Variants in CACNA1C observed in about 807,000 individuals in gnomAD.
CACNA1C encodes calcium voltage-gated channel subunit alpha1 C, also known as voltage-dependent L-type calcium channel subunit alpha-1C.
A neutral mutation model predicts 229.0 loss-of-function variants in CACNA1C; 30 were observed. The observed-to-expected ratio is 0.13, with a 90% confidence interval of 0.10 to 0.18. The LOEUF is 0.18. CACNA1C is among the 10% of genes least tolerant of loss of function. The pLI is 1.00. For missense variants in CACNA1C, 1,658 were observed against 2,845.0 expected (o/e 0.58, Z 9.49); for synonymous variants, 1,114 against 1,132.5 (o/e 0.98, Z 0.33).
At chr12:1,981,333 A>G (rs111491399) in intron 1 of CACNA1C, among the ~76,000 whole-genome samples, 4,238 of 152,360 alleles carry the variant, frequency 0.028, 95 homozygotes, top group Middle Eastern at 0.054. Context: ...AGTTTCAGCC[A>G]TAGCTTTGAA....
chr12:2,132,207 G>T (rs1370688511), intron 3 of CACNA1C, among the ~76,000 whole-genome samples: 66 of 141,990 alleles, frequency 4.6e-4, no homozygotes, highest in South Asian at 1.6e-3. Flanking sequence ...ATTTTGGGCT[G>T]AGACAATGGG....
Position 2,449,025 on chromosome 12 carries a change from T to C in CACNA1C, c.527T>C (p.Leu176Ser). The change falls in exon 4 of 47, where the codon TTA becomes TCA. Residue 176 changes from leucine (L) to serine (S), a missense_variant. This residue lies in a region of CACNA1C where 89 missense variants were observed against 177.8 expected (regional missense o/e 0.50). Coordinates refer to ENST00000399655, the MANE Select transcript of CACNA1C (RefSeq NM_000719.7). ...ATAATTTTTACGGTGGAAGCGTTTT[T>C]AAAAGTAATCGCCTATGGACTCCTC... ...FLIIFTVEAF[L>S]KVIAYGLLFH... 1 of 1,607,526 alleles carries C rather than the reference T, an allele frequency of 6.2e-7. No homozygotes were observed. The highest frequency in any genetic ancestry group is 8.5e-7 in the Non-Finnish European group (1 of 1,175,304).
intron 3 of CACNA1C, among the ~76,000 whole-genome samples, chr12:2,313,045 G>T (rs1315731109): frequency 6.6e-6 from 1 of 152,122 alleles, no homozygotes; most frequent in Non-Finnish European, 1.5e-5. Context: ...GAACTTGATT[G>T]AAATGCTGTA....
intron 3 of CACNA1C, chr12:2,223,529 A>G (rs2062024554): frequency 6.6e-6 from 1 of 152,158 alleles, no homozygotes; most frequent in African/African-American, 2.4e-5. Context: ...GTTCCTTGTG[A>G]TGTAACATTC....
chr12:2,553,323 G>A lies in CACNA1C; in HGVS notation c.1481+3290G>A, dbSNP rs2154592359. Reference sequence around the variant, plus strand: ...AAACTGCAAACCGTAGGTCCATGTGGTATCTAAGGGTCCCTTCCAGTTCTG... The same window carrying A: ...AAACTGCAAACCGTAGGTCCATGTGATATCTAAGGGTCCCTTCCAGTTCTG... On this transcript the variant is annotated intron_variant, in intron 10 of 46. Coordinates refer to ENST00000399655, the MANE Select transcript of CACNA1C (RefSeq NM_000719.7). Among the ~76,000 whole-genome samples, 2 of 152,338 alleles carry A rather than the reference G, an allele frequency of 1.3e-5. 1 individual carries two copies.
chr12:2,673,334 C>T (rs2096644531), intron 38 of CACNA1C, among the ~76,000 whole-genome samples: 1 of 152,066 alleles, frequency 6.6e-6, no homozygotes, highest in Non-Finnish European at 1.5e-5. Flanking sequence ...GGCATGGTGG[C>T]CCATGCCTGT....
intron 1 of CACNA1C, among the ~76,000 whole-genome samples, chr12:2,031,225 A>G (rs374715136): frequency 6.6e-6 from 1 of 152,114 alleles, no homozygotes; most frequent in Non-Finnish European, 1.5e-5. Context: ...GGAGGGTCCA[A>G]TCACTCTCTT....
intron 3 of CACNA1C, among the ~76,000 whole-genome samples, chr12:2,261,055 C>A: frequency 6.6e-6 from 1 of 151,750 alleles, no homozygotes; most frequent in Admixed American, 6.6e-5. Context: ...ATGGTAAAAC[C>A]CTGTCTCTAC....
At position 2,034,341 on chromosome 12, in the gene CACNA1C, G is replaced by A. The variant is rs548601117; in HGVS notation, c.139+63140G>A. Among the ~76,000 whole-genome samples, 19 of 152,222 alleles carry A rather than the reference G, an allele frequency of 1.2e-4. No homozygotes were observed. Among genetic ancestry groups the A allele is most frequent in the Non-Finnish European group, 2.4e-4 (16 of 68,038 alleles). ...AGTACACTTTCTCCGTGAGATGCCA[G>A]ATAACTGAAAGAGAACTACAGGGAA... On this transcript the variant is annotated intron_variant, in intron 1 of 46. Transcript: ENST00000682462. This position sits in a 1 kb window ranked among gnomAD's most constrained non-coding sequence, Gnocchi z 4.1.
At chr12:2,187,975 G>T (rs1229570264) in intron 3 of CACNA1C, among the ~76,000 whole-genome samples, 1 of 152,218 alleles carries the variant, frequency 6.6e-6, no homozygotes, top group Admixed American at 6.5e-5. Flanking sequence ...CAGGTTGGGA[G>T]CTGCCTTTCC....
At chr12:1,981,111 C>T (rs2035996947) in intron 1 of CACNA1C, among the ~76,000 whole-genome samples, 1 of 152,156 alleles carries the variant, frequency 6.6e-6, no homozygotes, top group Non-Finnish European at 1.5e-5. Flanking sequence ...GTATGGCATT[C>T]TCACAACTCA....
chr12:1,986,881 G>A (rs1157228126), intron 1 of CACNA1C, among the ~76,000 whole-genome samples: 1 of 152,208 alleles, frequency 6.6e-6, no homozygotes, highest in Non-Finnish European at 1.5e-5. Context: ...AACAGTGGGA[G>A]AGATATACTG....
intron 13 of CACNA1C, among the ~76,000 whole-genome samples, chr12:2,571,443 A>G (rs556854273): frequency 3.9e-5 from 6 of 152,268 alleles, no homozygotes; most frequent in Middle Eastern, 3.4e-3. Flanking sequence ...ATAATTCTCA[A>G]AAGTCCCTGT....
At chr12:2,117,736 G>A (rs1172356417) in intron 2 of CACNA1C, among the ~76,000 whole-genome samples, 1 of 152,258 alleles carries the variant, frequency 6.6e-6, no homozygotes, top group Non-Finnish European at 1.5e-5. Context: ...AGGTGCACTG[G>A]GACACGCCGG....
chr12:1,990,043 T>A (rs2038956266), intron 1 of CACNA1C, among the ~76,000 whole-genome samples: 1 of 152,212 alleles, frequency 6.6e-6, no homozygotes, highest in Non-Finnish European at 1.5e-5. Flanking sequence ...TCAAATGCAT[T>A]ATTTACTGCT....
intron 11 of CACNA1C, among the ~76,000 whole-genome samples, chr12:2,563,118 G>C (rs1337440345): frequency 1.3e-5 from 2 of 152,186 alleles, no homozygotes; most frequent in African/African-American, 2.4e-5. Flanking sequence ...ACATATGAGT[G>C]AGAATATGTA....
At chr12:2,432,735 T>C (rs920575953) in intron 3 of CACNA1C, among the ~76,000 whole-genome samples, 2 of 152,200 alleles carry the variant, frequency 1.3e-5, no homozygotes, top group Non-Finnish European at 2.9e-5. Context: ...TAGTATTTGG[T>C]TCTGTGGCCT....
At chr12:2,405,055 T>C (rs1345999097) in intron 3 of CACNA1C, among the ~76,000 whole-genome samples, 1 of 152,198 alleles carries the variant, frequency 6.6e-6, no homozygotes, top group Non-Finnish European at 1.5e-5. Context: ...TTAGACTCCT[T>C]CGAGGATAAC....
chr12:2,082,715 C>T (rs1371257187), intron 1 of CACNA1C, among the ~76,000 whole-genome samples: 1 of 152,094 alleles, frequency 6.6e-6, no homozygotes, highest in African/African-American at 2.4e-5. Flanking sequence ...AAACTGGAGC[C>T]TGGGGTTGCT....
Sources: gnomAD v4.1 joint callset for allele counts (sites outside exome capture counted in the v4.1 genomes callset) on GRCh38, gnomAD v4.1.1 for gene constraint, gnomAD v4.1.1 regional missense constraint, Gnocchi (gnomAD v3.1) non-coding constraint, MANE v1.5 for transcripts, NCBI Gene and HGNC (gene_info 2026-07-23, HGNC 2026-07-21) for gene names.